Variants in STXBP5L observed in about 807,000 individuals in gnomAD.
STXBP5L encodes syntaxin binding protein 5L.
A neutral mutation model predicts 144.5 loss-of-function variants in STXBP5L; 65 were observed. The ratio of observed to expected loss-of-function variants is 0.45; its 90% CI spans 0.37 to 0.55. The LOEUF (loss-of-function observed/expected upper bound fraction) is 0.55. STXBP5L is among the 20% of genes least tolerant of loss of function. The probability of loss-of-function intolerance (pLI) is 0.00; values close to 1 mark genes in which losing one functional copy is unlikely to be tolerated. For synonymous variants in STXBP5L, 505 were observed against 469.6 expected (o/e 1.08, Z -0.97); for missense variants, 1,298 against 1,405.5 (o/e 0.92, Z 1.22).
At chr3:121,329,912 G>GA (rs869087259) in intron 20 of STXBP5L, among the ~76,000 whole-genome samples, 4 of 115,168 alleles carry the variant, frequency 3.5e-5, no homozygotes, top group African/African-American at 1.1e-4. Context: ...CACCACATAT[G>GA]AAAAAAATCT....
chr3:121,306,917 A>G (rs763069064), intron 19 of STXBP5L, among the ~76,000 whole-genome samples: 1 of 152,110 alleles, frequency 6.6e-6, no homozygotes, highest in Non-Finnish European at 1.5e-5. Context: ...AAAATAATAG[A>G]CCAATTACCC....
chr3:121,102,659 G>C (rs190059621), intron 5 of STXBP5L, among the ~76,000 whole-genome samples: 179 of 152,026 alleles, frequency 1.2e-3, no homozygotes, highest in Non-Finnish European at 1.2e-3. Context: ...TTTATGACTA[G>C]GTCTTCAAAA....
intron 10 of STXBP5L, among the ~76,000 whole-genome samples, chr3:121,218,052 TAATATATATACAC>T (rs1344040163): frequency 1.4e-5 from 2 of 143,334 alleles, no homozygotes; most frequent in South Asian, 2.1e-4. Flanking sequence ...ATACTATATA[TAATATATATACAC>T]TATATACAGT....
chr3:121,372,933 A>C (rs1305743783), intron 20 of STXBP5L, among the ~76,000 whole-genome samples: 2 of 152,246 alleles, frequency 1.3e-5, no homozygotes, highest in Non-Finnish European at 2.9e-5. Flanking sequence ...AATTAAAGCT[A>C]TTTTTAAAAG....
chr3:121,238,880 G>C, intron 12 of STXBP5L, 91 bp from the exon 13 acceptor site: 1 of 1,275,306 alleles, frequency 7.8e-7, no homozygotes, highest in Non-Finnish European at 1.0e-6. Flanking sequence ...TTATAGTGAT[G>C]TTTAGAGACA....
chr3:121,312,674 G>A (rs1021142032), intron 19 of STXBP5L, among the ~76,000 whole-genome samples: 4 of 150,998 alleles, frequency 2.6e-5, no homozygotes, highest in African/African-American at 9.7e-5. Flanking sequence ...TAACGAGCAT[G>A]CTGCCTTCAA....
chr3:121,092,229 G>C (rs1406082653), intron 5 of STXBP5L, among the ~76,000 whole-genome samples: 2 of 151,882 alleles, frequency 1.3e-5, no homozygotes, highest in East Asian at 3.9e-4. Flanking sequence ...TGTTCTTTTG[G>C]CTTAGGACTG....
At chr3:121,025,145 A>G (rs953889032) in intron 3 of STXBP5L, among the ~76,000 whole-genome samples, 1 of 152,170 alleles carries the variant, frequency 6.6e-6, no homozygotes. Flanking sequence ...TAGAGAGGCC[A>G]AGAGAGATGT....
chr3:121,327,067 C>T (rs1342788530), intron 20 of STXBP5L, among the ~76,000 whole-genome samples: 1 of 151,990 alleles, frequency 6.6e-6, no homozygotes, highest in African/African-American at 2.4e-5. Flanking sequence ...GATGTAGAAC[C>T]AATGATCTGA....
chr3:120,950,776 A>G (rs899624833), intron 2 of STXBP5L, among the ~76,000 whole-genome samples: 2 of 152,238 alleles, frequency 1.3e-5, no homozygotes, highest in East Asian at 3.9e-4. Context: ...GCTACCAATG[A>G]TTTTCTTCAC....
chr3:121,104,123 G>A (rs2043569847), intron 5 of STXBP5L, among the ~76,000 whole-genome samples: 1 of 152,138 alleles, frequency 6.6e-6, no homozygotes, highest in Admixed American at 6.5e-5. Context: ...ATTTATGACT[G>A]CTCATGAAAT....
At chr3:120,949,725 G>A (rs1025230890) in intron 2 of STXBP5L, among the ~76,000 whole-genome samples, 1 of 151,466 alleles carries the variant, frequency 6.6e-6, no homozygotes, top group Non-Finnish European at 1.5e-5. Flanking sequence ...CAAATACCTT[G>A]TCAAAATATT....
intron 20 of STXBP5L, among the ~76,000 whole-genome samples, chr3:121,321,142 A>T (rs2043956890): frequency 6.6e-6 from 1 of 152,206 alleles, no homozygotes; most frequent in Admixed American, 6.5e-5. Flanking sequence ...TCCATTTGTC[A>T]CTTCAATACC....
At chr3:121,297,735 C>T (rs551896889) in intron 19 of STXBP5L, among the ~76,000 whole-genome samples, 25 of 152,288 alleles carry the variant, frequency 1.6e-4, no homozygotes, top group African/African-American at 6.0e-4. Context: ...GCCTGCGCGA[C>T]AGAGTGAGAC....
chr3:120,961,615 A>G (rs1307232504), intron 3 of STXBP5L, among the ~76,000 whole-genome samples: 1 of 152,022 alleles, frequency 6.6e-6, no homozygotes, highest in African/African-American at 2.4e-5. Flanking sequence ...ATCCTTTTTT[A>G]TGGCTACATA....
At chr3:121,174,104 G>C (rs753259174) in intron 9 of STXBP5L, among the ~76,000 whole-genome samples, 1 of 152,040 alleles carries the variant, frequency 6.6e-6, no homozygotes, top group Non-Finnish European at 1.5e-5. Context: ...ATAGGAGGTG[G>C]CTTTGAAATT....
At chr3:121,248,256 G>A (rs573533050) in intron 14 of STXBP5L, among the ~76,000 whole-genome samples, 1 of 152,074 alleles carries the variant, frequency 6.6e-6, no homozygotes, top group African/African-American at 2.4e-5. Flanking sequence ...TAGAGACAGG[G>A]TTTCACCATT....
chr3:121,060,785 G>T (rs2041234298), intron 5 of STXBP5L, among the ~76,000 whole-genome samples: 1 of 152,080 alleles, frequency 6.6e-6, no homozygotes, highest in Admixed American at 6.5e-5. Context: ...ATTCTCTGAT[G>T]GTAGTTTGTA....
At chr3:121,191,665 G>A (rs143047847) in intron 9 of STXBP5L, among the ~76,000 whole-genome samples, 116 of 152,256 alleles carry the variant, frequency 7.6e-4, no homozygotes, top group African/African-American at 2.8e-3. Flanking sequence ...CCGTGAGCAT[G>A]GAATGTTCTT....
Sources: allele counts gnomAD v4.1 joint callset (sites outside exome capture counted in the v4.1 genomes callset), GRCh38; gene constraint gnomAD v4.1.1; transcripts MANE v1.5; gene names NCBI Gene and HGNC (gene_info 2026-07-23, HGNC 2026-07-21).